The following PRKDC variants were observed in gnomAD, a reference collection of about 807,000 sequenced individuals.
PRKDC encodes the protein DNA-dependent protein kinase catalytic subunit.
A neutral mutation model predicts 486.9 loss-of-function variants in PRKDC; 82 were observed. The observed-to-expected ratio is 0.17, with a 90% confidence interval of 0.14 to 0.20. The LOEUF (loss-of-function observed/expected upper bound fraction) is 0.20, where lower values mean the gene tolerates loss of function less well. Ranked by LOEUF, PRKDC falls within the 10% of genes least tolerant of loss-of-function variation. PRKDC has a pLI of 1.00. For synonymous variants in PRKDC, 1,895 were observed against 1,837.0 expected, an observed-to-expected ratio of 1.03 and a Z score of -0.81; for missense variants, 4,504 against 5,038.2, an observed-to-expected ratio of 0.89 and a Z score of 3.21.
intron 73 of PRKDC, among the ~76,000 whole-genome samples, chr8:47,797,101 T>C (rs2086999257): frequency 6.6e-6 from 1 of 152,142 alleles, no homozygotes; most frequent in South Asian, 2.1e-4. Flanking sequence ...ATGGGCAAGC[T>C]TCCTGAGTGC....
intron 61 of PRKDC, among the ~76,000 whole-genome samples, chr8:47,829,758 CGAAA>C (rs1344948930): frequency 6.6e-6 from 1 of 151,850 alleles, no homozygotes; most frequent in Non-Finnish European, 1.5e-5. Context: ...AAAACACTGC[CGAAA>C]GAAATCATAA....
At position 47,834,182 on chromosome 8, in the gene PRKDC, G is replaced by A; in HGVS notation, c.8152+14C>T. Reference sequence around the variant, plus strand: ...GGGGAAGCTATTTTAAGCACACTCAGCAACCCAGCTTACCTTTCACTTTGT... The same window carrying A: ...GGGGAAGCTATTTTAAGCACACTCAACAACCCAGCTTACCTTTCACTTTGT... On this transcript the variant is annotated intron_variant, in intron 59 of 85. Transcript: ENST00000314191. 1 of 1,613,982 alleles carries A rather than the reference G, an allele frequency of 6.2e-7. No individual in the cohort carries two copies. The highest frequency in any genetic ancestry group is 8.5e-7 in the Non-Finnish European group (1 of 1,179,870).
chr8:47,810,337 T>C (rs1316735304), intron 68 of PRKDC, among the ~76,000 whole-genome samples: 2 of 152,262 alleles, frequency 1.3e-5, no homozygotes, highest in Admixed American at 6.5e-5. Context: ...GTTTGAATTA[T>C]TCTACTTTAT....
chr8:47,843,735 C>T (rs184004489), intron 54 of PRKDC, among the ~76,000 whole-genome samples: 148 of 152,292 alleles, frequency 9.7e-4, no homozygotes, highest in Non-Finnish European at 1.7e-3. Context: ...AGACTGGGGC[C>T]TATTTTCAGC....
intron 59 of PRKDC, among the ~76,000 whole-genome samples, chr8:47,833,878 A>G (rs1171610596): frequency 1.3e-5 from 2 of 152,076 alleles, no homozygotes; most frequent in Non-Finnish European, 2.9e-5. Flanking sequence ...ACCTGTATTA[A>G]GCCCTCTAGC....
At chr8:47,869,621 A>G (rs539690498) in intron 40 of PRKDC, among the ~76,000 whole-genome samples, 1 of 151,986 alleles carries the variant, frequency 6.6e-6, no homozygotes, top group African/African-American at 2.4e-5. Flanking sequence ...GGGAGAAACC[A>G]TTTCTGCTTG....
At position 47,857,393 on chromosome 8, in the gene PRKDC, T is replaced by C. The variant is rs1589746497; in HGVS notation, c.6466-94A>G. 2.9e-6 allele frequency: 4 copies of C among 1,365,774 alleles called. No individual in the cohort carries two copies. The East Asian group carries it at 7.3e-5, about 25-fold the overall frequency. 84.6% of individuals were successfully genotyped at this position (1,365,774 alleles called of 1,614,324 possible). On this transcript the variant is annotated intron_variant, in intron 48 of 85. Coordinates refer to ENST00000314191, the MANE Select transcript of PRKDC (RefSeq NM_006904.7). ...GTATCTTCCATCAGCTAAAATTTTA[T>C]ACTATGACTGGACCTAAAGCCAAAA...
At chr8:47,779,912 C>CTTTTT (rs925534980) in intron 80 of PRKDC, among the ~76,000 whole-genome samples, 6 of 107,066 alleles carry the variant, frequency 5.6e-5, no homozygotes, top group Admixed American at 1.0e-4. Context: ...TTTGTTTTGT[C>CTTTTT]TTTTTTTTTT....
At chr8:47,834,450 C>T (rs1247274883) in intron 58 of PRKDC, 54 bp from the exon 59 acceptor site, 11 of 1,570,576 alleles carry the variant, frequency 7.0e-6, no homozygotes, top group South Asian at 3.4e-5. Flanking sequence ...GCTCTGTGCA[C>T]GGGGCAGGAC....
chr8:47,925,707 T>C (rs931835593), intron 21 of PRKDC, among the ~76,000 whole-genome samples: 2 of 152,212 alleles, frequency 1.3e-5, no homozygotes, highest in African/African-American at 4.8e-5. Flanking sequence ...CTTCAAGATC[T>C]ATGACACCTT....
chr8:47,894,520 A>G (rs2089536166), intron 30 of PRKDC, among the ~76,000 whole-genome samples: 1 of 152,216 alleles, frequency 6.6e-6, no homozygotes, highest in South Asian at 2.1e-4. Context: ...GAAGACGCAG[A>G]CAAGCACGCT....
intron 7 of PRKDC, among the ~76,000 whole-genome samples, chr8:47,951,263 G>T (rs1416529521): frequency 6.6e-6 from 1 of 151,908 alleles, no homozygotes; most frequent in Non-Finnish European, 1.5e-5. Context: ...GGGAGGCGGA[G>T]GTAGGAGGAT....
At position 47,896,463 on chromosome 8, in the gene PRKDC, C is replaced by T. The variant is rs562577329; in HGVS notation, c.3598+698G>A. Among the ~76,000 whole-genome samples, 16 of 151,994 alleles carry T rather than the reference C, an allele frequency of 1.1e-4. 2 individuals are homozygous for T. In the South Asian group the frequency reaches 1.2e-3, roughly 12 times the overall value. On this transcript the variant is annotated intron_variant, in intron 30 of 85. Transcript: ENST00000314191. Reference sequence around the variant, plus strand: ...CAGATAGAGACCATCCTGGCTAACACGGTGAAACCCCGTCTCTACTAAAAA... The same window carrying T: ...CAGATAGAGACCATCCTGGCTAACATGGTGAAACCCCGTCTCTACTAAAAA...
Position 47,826,826 on chromosome 8 carries a change from G to C in PRKDC, c.8613C>G (p.Leu2871=). The C allele has an allele frequency of 6.2e-7, 1 of 1,600,920 alleles. No homozygotes were observed. Among genetic ancestry groups the C allele is most frequent in the Middle Eastern group, 1.7e-4 (1 of 6,030 alleles). ...ISCQHAALLS[L]DPAAVSAGCL... ...AACCAGCGCTAACAGCCGCTGGGTC[G>C]AGGCTCAGCAGGGCTGCGTGCTGAC... The change falls in exon 63 of 86, where the codon CTC becomes CTG. Residue 2871 remains leucine, a synonymous_variant. Transcript: ENST00000314191.
At chr8:47,869,401 A>G (rs2088894555) in intron 40 of PRKDC, among the ~76,000 whole-genome samples, 1 of 151,668 alleles carries the variant, frequency 6.6e-6, no homozygotes, top group African/African-American at 2.4e-5. Flanking sequence ...CCCAGACGAC[A>G]TTTTTAGACA....
intron 30 of PRKDC, 57 bp from the exon 31 acceptor site, chr8:47,893,444 T>A (rs1008022600): frequency 1.5e-6 from 2 of 1,361,414 alleles, no homozygotes; most frequent in African/African-American, 2.9e-5. Context: ...TTTAATCTAA[T>A]CTTTGTACCT....
In PRKDC at chr8:47,898,536, T is replaced by C; in HGVS notation, c.3398A>G (p.His1133Arg). ...TIQQCCDAID[H>R]LCRIIEKKHV... ...CTTCTTTTCAATGATGCGGCATAGGTGATCAATGGCATCACAACACTGTTG... is the reference window on the plus strand; with the variant it reads ...CTTCTTTTCAATGATGCGGCATAGGCGATCAATGGCATCACAACACTGTTG... Residue 1133 changes from histidine to arginine, a missense_variant, in exon 29 of 86, where the codon CAC (histidine) becomes CGC (arginine). Transcript: ENST00000314191. 1 of 1,529,534 alleles carries C rather than the reference T, an allele frequency of 6.5e-7. No homozygotes were observed. The highest frequency in any genetic ancestry group is 8.9e-7 in the Non-Finnish European group (1 of 1,123,910). The allele number at this position is 1,529,534 out of a possible 1,614,324, so 94.7% of individuals were successfully genotyped here. A position where few individuals can be genotyped will look rare whatever the true frequency, so the allele number is the denominator to read the frequency against.
At chr8:47,849,625 A>T in intron 52 of PRKDC, 122 bp from the exon 53 acceptor site, 1 of 1,126,412 alleles carries the variant, frequency 8.9e-7, no homozygotes, top group Non-Finnish European at 1.2e-6. Flanking sequence ...GTCACCTACA[A>T]GGTAGATGAT....
In PRKDC at chr8:47,774,085, G is replaced by C; in HGVS notation, c.*88C>G. On this transcript the variant is annotated 3_prime_UTR_variant, in exon 86 of 86. Transcript: ENST00000314191. Reference sequence around the variant, plus strand: ...AAGACATTTCTCTTTAGTGTTTCAGGAAAATCAGCTCATGGAATGCTGCCA... The same window carrying C: ...AAGACATTTCTCTTTAGTGTTTCAGCAAAATCAGCTCATGGAATGCTGCCA... 7.5e-7 allele frequency: 1 copy of C among 1,327,898 alleles called. No homozygotes were observed. Among genetic ancestry groups the C allele is most frequent in the African/African-American group, 1.5e-5 (1 of 67,532 alleles). The allele number at this position is 1,327,898 out of a possible 1,614,324, so 82.3% of individuals were successfully genotyped here. A position where few individuals can be genotyped will look rare whatever the true frequency, so the allele number is the denominator to read the frequency against.
Sources: gnomAD v4.1 joint callset for allele counts (sites outside exome capture counted in the v4.1 genomes callset) on GRCh38, gnomAD v4.1.1 for gene constraint, MANE v1.5 for transcripts, NCBI Gene and HGNC (gene_info 2026-07-23, HGNC 2026-07-21) for gene names.